MYO7B: variants seen among roughly 807,000 people sequenced by gnomAD.
MYO7B encodes the protein myosin VIIB.
In MYO7B, 212 loss-of-function variants were observed where a neutral mutation model predicts 259.7. That is an observed-to-expected ratio of 0.82 (90% confidence interval 0.73 to 0.91). The LOEUF (loss-of-function observed/expected upper bound fraction) is 0.91, where lower values mean the gene tolerates loss of function less well. Among genes scored for constraint, MYO7B ranks in the 40% least tolerant of loss-of-function variants. MYO7B has a pLI of 0.00. For synonymous variants in MYO7B, 1,197 were observed against 1,166.4 expected (o/e 1.03, Z -0.54); for missense variants, 2,732 against 2,813.5 (o/e 0.97, Z 0.66).
At chr2:127,602,689 T>C (rs1241174181) in intron 19 of MYO7B, among the ~76,000 whole-genome samples, 1 of 151,890 alleles carries the variant, frequency 6.6e-6, no homozygotes, top group African/African-American at 2.4e-5. Context: ...AACAACACTT[T>C]CTTTGCTCAT....
At chr2:127,599,291 GT>G (rs970431916) in intron 19 of MYO7B, among the ~76,000 whole-genome samples, 83 of 151,816 alleles carry the variant, frequency 5.5e-4, no homozygotes, top group Non-Finnish European at 3.1e-4. Context: ...AGATTTACAT[GT>G]TTTTTTTGGA....
intron 43 of MYO7B, 149 bp from the exon 44 acceptor site, chr2:127,635,573 T>G: frequency 1.2e-6 from 1 of 853,976 alleles, no homozygotes; most frequent in Non-Finnish European, 1.8e-6. Context: ...CTCAGGGTCA[T>G]TCCCCTGGCC....
rs762878923 is a variant in MYO7B, at chr2:127,588,480, C to A, written c.1779C>A (p.Phe593Leu). The A allele has an allele frequency of 1.9e-6, 3 of 1,613,354 alleles. No individual in the cohort carries two copies. The highest frequency in any genetic ancestry group is 1.1e-5 in the South Asian group (1 of 91,078). The change falls in exon 15 of 48, where the codon TTC becomes TTA. Residue 593 changes from phenylalanine to leucine, a missense_variant. Phe to Leu is a conservative substitution (Grantham distance 22). Around this residue, in one of 3 missense-constraint regions of MYO7B, gnomAD observed 1,906 missense variants for 2,026.4 expected, o/e 0.94. Coordinates refer to ENST00000409816, the MANE Select transcript of MYO7B (RefSeq NM_001393586.1). ...SSKNKFLREI[F>L]NLELAETKLG... The stretch of plus-strand genomic sequence containing the variant: ...AAAACAAGTTTCTGAGGGAGATATT[C>A]AACTTGGAGTTAGCAGAGACCAAGC...
chr2:127,633,510 C>T, intron 40 of MYO7B, 147 bp downstream of exon 40: 1 of 774,950 alleles, frequency 1.3e-6, no homozygotes, highest in Non-Finnish European at 2.1e-6. Flanking sequence ...GCCCTCTCCC[C>T]ATGGGATGCA....
Position 127,628,669 on chromosome 2 carries a change from T to TGC in MYO7B, c.4624+134_4624+135insGC. The TGC allele has an allele frequency of 1.0e-6, 1 of 970,218 alleles. No individual in the cohort carries two copies. The highest frequency in any genetic ancestry group is 2.5e-5 in the Admixed American group (1 of 39,522). The allele number at this position is 970,218 out of a possible 1,614,324, so 60.1% of individuals were successfully genotyped here. On this transcript the variant is annotated intron_variant, in intron 34 of 47. Transcript: ENST00000409816. This position sits in a 1 kb window ranked among gnomAD's most constrained non-coding sequence, Gnocchi z 4.8. ...GCAGAGGGAGGGAAGGCCCCAAAGC[T>TGC]CTGTGGGGGCAGCTTTAGGCAAGGC...
chr2:127,582,252 C>T lies in MYO7B; in HGVS notation c.1201-52C>T, dbSNP rs1679131315. ...CCTCTCCAGGTGAACTTGGAGGTAACCTCCGCCTGAGCCTCCAAGCCCAGG... is the reference window on the plus strand; with the variant it reads ...CCTCTCCAGGTGAACTTGGAGGTAATCTCCGCCTGAGCCTCCAAGCCCAGG... On this transcript the variant is annotated intron_variant, in intron 11 of 47. Coordinates refer to ENST00000409816, the MANE Select transcript of MYO7B (RefSeq NM_001393586.1). 3.1e-6 allele frequency: 5 copies of T among 1,599,158 alleles called. No homozygotes were observed. In the South Asian group the frequency reaches 4.5e-5, roughly 14 times the overall value.
chr2:127,560,795 T>C (rs1167778236), intron 2 of MYO7B, among the ~76,000 whole-genome samples: 4 of 152,110 alleles, frequency 2.6e-5, no homozygotes, highest in Non-Finnish European at 1.5e-5. Context: ...AATGTTCTCC[T>C]CCTGAGTGCA....
intron 37 of MYO7B, 73 bp downstream of exon 37, chr2:127,631,436 C>T (rs1258627690): frequency 1.9e-6 from 3 of 1,558,856 alleles, no homozygotes; most frequent in East Asian, 2.3e-5. Context: ...CCTGGCCCTA[C>T]AGCTGTGCTC....
intron 26 of MYO7B, 98 bp from the exon 27 acceptor site, chr2:127,620,234 CATATGGGA>C: frequency 7.4e-7 from 1 of 1,352,258 alleles, no homozygotes; most frequent in Non-Finnish European, 1.0e-6. Context: ...AGGTGCCCTG[CATATGGGA>C]CCTCTCAGAG....
chr2:127,630,887 A>T lies in MYO7B; in HGVS notation c.4916A>T (p.Glu1639Val). The T allele has an allele frequency of 6.3e-7, 1 of 1,594,846 alleles. No individual in the cohort carries two copies. The highest frequency in any genetic ancestry group is 8.5e-7 in the Non-Finnish European group (1 of 1,170,800). ...AAGGAAAAGCTGCACACCCTGGAGG[A>T]GTTCTCCTATGAGTTCTTCAGGTGC... ...PPKEKLHTLE[E>V]FSYEFFRAPE... The change falls in exon 36 of 48, where the codon GAG becomes GTG. Residue 1639 changes from glutamate (E) to valine (V), a missense_variant. Glu to Val is a moderately radical substitution (Grantham distance 121, BLOSUM62 -2). This residue lies in a region of MYO7B where 821 missense variants were observed against 769.3 expected (regional missense o/e 1.07). Coordinates refer to ENST00000409816, the MANE Select transcript of MYO7B (RefSeq NM_001393586.1).
Position 127,592,853 on chromosome 2 carries a change from G to A in MYO7B, c.2052G>A (p.Val684=). ...GATACTCGGGCATGATGGAGACCGT[G>A]CACATCCGCAAGTCGGGCTTCCCCA... The part of the protein sequence containing the change: ...QLRYSGMMET[V]HIRKSGFPIR... The change falls in exon 17 of 48, where the codon GTG becomes GTA. Residue 684 remains valine (V), a synonymous_variant. Coordinates refer to ENST00000409816, the MANE Select transcript of MYO7B (RefSeq NM_001393586.1). 1 of 1,610,392 alleles carries A rather than the reference G, an allele frequency of 6.2e-7. No homozygotes were observed. Among genetic ancestry groups the A allele is most frequent in the East Asian group, 2.2e-5 (1 of 44,794 alleles).
intron 1 of MYO7B, among the ~76,000 whole-genome samples, chr2:127,555,193 C>T (rs1426224618): frequency 6.6e-6 from 1 of 152,120 alleles, no homozygotes; most frequent in African/African-American, 2.4e-5. Context: ...GTGACCCACT[C>T]GCCTTGGCCT....
At chr2:127,575,508 C>G (rs1284149484) in intron 7 of MYO7B, among the ~76,000 whole-genome samples, 4 of 150,810 alleles carry the variant, frequency 2.7e-5, no homozygotes, top group African/African-American at 4.9e-5. Context: ...AAAGGATCAC[C>G]AAGAGATATG....
At chr2:127,608,089 G>A (rs28586936) in intron 21 of MYO7B, among the ~76,000 whole-genome samples, 128 of 152,294 alleles carry the variant, frequency 8.4e-4, no homozygotes, top group African/African-American at 2.9e-3. Context: ...TCGAGTACTC[G>A]AGACTCAACC....
At chr2:127,623,908 A>G (rs562475967) in intron 29 of MYO7B, among the ~76,000 whole-genome samples, 185 bp from the exon 30 acceptor site, 10 of 152,318 alleles carry the variant, frequency 6.6e-5, no homozygotes, top group Admixed American at 2.0e-4. Context: ...GGAGTGGCAG[A>G]TGGGCCATTG....
In MYO7B at chr2:127,613,656, G is replaced by A. The variant is rs1329601467; in HGVS notation, c.3398+1053G>A. Reference sequence around the variant, plus strand: ...TTTTCCTCATAAGTCTAGTACTTTTGGGTTGTATCCTGGACATTGAGGATG... The same window carrying A: ...TTTTCCTCATAAGTCTAGTACTTTTAGGTTGTATCCTGGACATTGAGGATG... On this transcript the variant is annotated intron_variant, in intron 26 of 47. Transcript: ENST00000409816. The surrounding 1 kb of genome is among the most constrained non-coding windows in gnomAD (Gnocchi z 4.3). Among the ~76,000 whole-genome samples, 1 of 152,148 alleles carries A rather than the reference G, an allele frequency of 6.6e-6. No individual in the cohort carries two copies. Among genetic ancestry groups the A allele is most frequent in the Non-Finnish European group, 1.5e-5 (1 of 68,016 alleles).
intron 1 of MYO7B, among the ~76,000 whole-genome samples, chr2:127,553,143 T>C (rs757662868): frequency 6.6e-6 from 1 of 152,220 alleles, no homozygotes; most frequent in Admixed American, 6.5e-5. Flanking sequence ...ACTGGACAAG[T>C]ATTGACTGAT....
In MYO7B at chr2:127,628,167, T is replaced by A. The variant is rs1349436886; in HGVS notation, c.4461-205T>A. The A allele has an allele frequency of 2.8e-6, 2 of 709,210 alleles. No homozygotes were observed. The highest frequency in any genetic ancestry group is 2.5e-6 in the Non-Finnish European group (1 of 396,640). 43.9% of individuals were successfully genotyped at this position (709,210 alleles called of 1,614,324 possible). A position where few individuals can be genotyped will look rare whatever the true frequency, so the allele number is the denominator to read the frequency against. On this transcript the variant is annotated intron_variant, in intron 33 of 47. Coordinates refer to ENST00000409816, the MANE Select transcript of MYO7B (RefSeq NM_001393586.1). The surrounding 1 kb of genome is among the most constrained non-coding windows in gnomAD (Gnocchi z 4.8). ...CAACCCCACACATGGGCTGCACCAC[T>A]CTCAGCCTCCGAGAGGTCCTGTGCT... is the stretch of plus-strand genomic sequence containing the variant.
At chr2:127,556,233 T>G (rs1423661690) in intron 1 of MYO7B, among the ~76,000 whole-genome samples, 2 of 152,216 alleles carry the variant, frequency 1.3e-5, no homozygotes, top group Non-Finnish European at 2.9e-5. Context: ...TCACGTTTGG[T>G]GTCCATTTGC....
Sources: allele counts gnomAD v4.1 joint callset (sites outside exome capture counted in the v4.1 genomes callset), GRCh38; gene constraint gnomAD v4.1.1; regional missense constraint gnomAD v4.1.1; non-coding constraint Gnocchi (gnomAD v3.1); transcripts MANE v1.5; gene names NCBI Gene and HGNC (gene_info 2026-07-23, HGNC 2026-07-21).